Variants in SOX5 observed in about 807,000 individuals in gnomAD.
SOX5 encodes SRY-box transcription factor 5.
SOX5 carries 9 observed loss-of-function variants against 92.0 expected under a neutral mutation model. That is an observed-to-expected ratio of 0.10 (90% CI 0.06 to 0.17). The LOEUF (loss-of-function observed/expected upper bound fraction) is 0.17. Ranked by LOEUF, SOX5 falls within the 10% of genes least tolerant of loss-of-function variation. The probability of loss-of-function intolerance (pLI) is 1.00; values close to 1 mark genes in which losing one functional copy is unlikely to be tolerated. For synonymous variants in SOX5, 344 were observed against 336.3 expected, an observed-to-expected ratio of 1.02 and a Z score of -0.25; for missense variants, 642 against 944.5, an observed-to-expected ratio of 0.68 and a Z score of 4.20.
intron 1 of SOX5, among the ~76,000 whole-genome samples, chr12:24,512,025 T>C (rs1299519397): frequency 6.6e-6 from 1 of 151,996 alleles, no homozygotes; most frequent in Non-Finnish European, 1.5e-5. Context: ...AAATTCAATA[T>C]TAAATCAATT....
chr12:24,408,661 G>A (rs565236065), intron 1 of SOX5, among the ~76,000 whole-genome samples: 30 of 152,096 alleles, frequency 2.0e-4, no homozygotes, highest in Admixed American at 3.9e-4. Context: ...CTAAAGATTC[G>A]TCTAGGTTCA....
At chr12:23,604,330 A>G in intron 9 of SOX5, 57 bp downstream of exon 9, 1 of 1,572,610 alleles carries the variant, frequency 6.4e-7, no homozygotes. Flanking sequence ...TTTAATAAAT[A>G]CCATTGAATG....
intron 3 of SOX5, among the ~76,000 whole-genome samples, chr12:23,797,434 C>G (rs1312640959): frequency 6.6e-6 from 1 of 151,970 alleles, no homozygotes; most frequent in Admixed American, 6.6e-5. Context: ...GAGTCACCCT[C>G]TACTTGAGTT....
At chr12:23,594,461 C>T (rs1042150325) in intron 9 of SOX5, among the ~76,000 whole-genome samples, 5 of 152,052 alleles carry the variant, frequency 3.3e-5, no homozygotes, top group Non-Finnish European at 7.4e-5. Flanking sequence ...CAGGATATGT[C>T]ACTGGGGCTC....
intron 3 of SOX5, among the ~76,000 whole-genome samples, chr12:24,221,822 G>A (rs1355138389): frequency 1.3e-5 from 2 of 152,220 alleles, no homozygotes; most frequent in Admixed American, 1.3e-4. Flanking sequence ...TAGAAAAGAA[G>A]ATATATGAGT....
At chr12:23,615,280 T>G (rs183854128) in intron 8 of SOX5, among the ~76,000 whole-genome samples, 2 of 152,100 alleles carry the variant, frequency 1.3e-5, no homozygotes, top group African/African-American at 4.8e-5. Context: ...TTGCTTTTTT[T>G]AAAAAAAATT....
chr12:23,652,558 A>C (rs1165971356), intron 7 of SOX5, among the ~76,000 whole-genome samples: 1 of 147,518 alleles, frequency 6.8e-6, no homozygotes. Context: ...GCTGTCCCAC[A>C]ATAAGCTCCA....
chr12:23,653,349 G>A (rs1252305586), intron 7 of SOX5, among the ~76,000 whole-genome samples: 2 of 151,260 alleles, frequency 1.3e-5, no homozygotes, highest in African/African-American at 4.9e-5. Context: ...TCACTTCTTC[G>A]ATTGTATAGC....
chr12:23,792,999 TGATA>T (rs1326317772), intron 3 of SOX5, among the ~76,000 whole-genome samples: 1 of 152,120 alleles, frequency 6.6e-6, no homozygotes, highest in Non-Finnish European at 1.5e-5. Flanking sequence ...AATTTGGACT[TGATA>T]GTCAAGACAA....
At chr12:23,936,294 C>A (rs189129293) in intron 1 of SOX5, among the ~76,000 whole-genome samples, 1 of 151,056 alleles carries the variant, frequency 6.6e-6, no homozygotes, top group African/African-American at 2.4e-5. Context: ...ATTAAAGATA[C>A]ATATAGTGGC....
chr12:23,626,351 T>C (rs549504521), intron 8 of SOX5, among the ~76,000 whole-genome samples: 26 of 152,292 alleles, frequency 1.7e-4, no homozygotes, highest in African/African-American at 6.0e-4. Context: ...TGTGTAATCA[T>C]GTTCTTAATG....
At position 23,825,750 on chromosome 12, in the gene SOX5, T is replaced by C. The variant is rs546264272; in HGVS notation, c.481+20233A>G. ...AATATTTTAGAAGGTTTCATATTGTTTGCAATTTAGATAGAACATTTCAAA... is the reference window on the plus strand; with the variant it reads ...AATATTTTAGAAGGTTTCATATTGTCTGCAATTTAGATAGAACATTTCAAA... On this transcript the variant is annotated intron_variant, in intron 3 of 14. Coordinates refer to ENST00000451604, the MANE Select transcript of SOX5 (RefSeq NM_006940.6). Among the ~76,000 whole-genome samples the C allele has an allele frequency of 3.4e-4, 52 of 152,296 alleles. 1 individual carries two copies. Among genetic ancestry groups the C allele is most frequent in the South Asian group, 6.2e-4 (3 of 4,826 alleles).
Position 24,348,049 on chromosome 12 carries a change from C to CAAAAAAA in SOX5, c.-174+20507_-174+20513dup, listed in dbSNP as rs1182462748. On this transcript the variant is annotated intron_variant, in intron 2 of 4. Coordinates refer to the SOX5 transcript ENST00000446891. The stretch of plus-strand genomic sequence containing the variant: ...TTTCTTCAGAGATAATACAGCTAAT[C>CAAAAAAA]AAAAAAAAAAAAAAAAAAAAACAGA... 2.8e-3 allele frequency among the ~76,000 whole-genome samples: 205 copies of CAAAAAAA among 72,610 alleles called. 2 individuals are homozygous for CAAAAAAA. The highest frequency in any genetic ancestry group is 9.1e-3 in the Middle Eastern group (1 of 110). The allele number at this position is 72,610 out of a possible 152,430, so 47.6% of individuals were successfully genotyped here.
intron 1 of SOX5, among the ~76,000 whole-genome samples, chr12:24,519,093 G>A (rs967943713): frequency 1.2e-4 from 18 of 152,084 alleles, no homozygotes; most frequent in African/African-American, 3.1e-4. Context: ...AATTGAGAAC[G>A]GTATGGCATC....
intron 2 of SOX5, among the ~76,000 whole-genome samples, chr12:24,353,649 T>C (rs1338999075): frequency 6.6e-6 from 1 of 152,086 alleles, no homozygotes; most frequent in South Asian, 2.1e-4. Context: ...ATTATTCTTT[T>C]TTTTTTAGGG....
At chr12:24,505,846 T>TGG (rs1365246326) in intron 1 of SOX5, among the ~76,000 whole-genome samples, 4 of 140,964 alleles carry the variant, frequency 2.8e-5, no homozygotes, top group Non-Finnish European at 6.1e-5. Flanking sequence ...TGTGTGTGTG[T>TGG]GTGTGTGCGT....
At chr12:23,993,864 AATGTATGTATGTATGTATGTATGTATGT>A (rs5797056) in intron 4 of SOX5, among the ~76,000 whole-genome samples, 3 of 146,620 alleles carry the variant, frequency 2.0e-5, no homozygotes, top group South Asian at 2.2e-4. Flanking sequence ...CTCCCTATGA[AATGTATGTATGTATGTATGTATGTATGT>A]ATGTATGTAT....
intron 12 of SOX5, among the ~76,000 whole-genome samples, chr12:23,543,669 G>A (rs934203969): frequency 1.5e-4 from 23 of 152,296 alleles, no homozygotes; most frequent in African/African-American, 5.5e-4. Context: ...ACTCCGATAT[G>A]TGATTTTTGA....
At chr12:23,666,016 G>A (rs909891403) in intron 6 of SOX5, among the ~76,000 whole-genome samples, 1 of 151,680 alleles carries the variant, frequency 6.6e-6, no homozygotes, top group Admixed American at 6.6e-5. Context: ...CATTATTTGA[G>A]GACAAATTCT....
Sources: gnomAD v4.1 joint callset for allele counts (sites outside exome capture counted in the v4.1 genomes callset) on GRCh38, gnomAD v4.1.1 for gene constraint, MANE v1.5 for transcripts, NCBI Gene and HGNC (gene_info 2026-07-23, HGNC 2026-07-21) for gene names.